Variants in TMX2 observed in about 807,000 individuals in gnomAD.
The protein encoded by TMX2 is thioredoxin related transmembrane protein 2.
Under a neutral mutation model 33.4 loss-of-function variants are expected in TMX2, and 20 were observed. The ratio of observed to expected loss-of-function variants is 0.60; its 90% CI spans 0.42 to 0.87. TMX2 has a LOEUF of 0.87. Ranked by LOEUF, TMX2 falls within the 40% of genes least tolerant of loss-of-function variation. The pLI is 0.00. For missense variants in TMX2, 340 were observed against 370.7 expected (o/e 0.92, Z 0.68); for synonymous variants, 166 against 140.7 (o/e 1.18, Z -1.27).
In TMX2 at chr11:57,725,554, G is replaced by T. The variant is rs529736217; in HGVS notation, c.190-12054G>T. Among the ~76,000 whole-genome samples the T allele has an allele frequency of 2.6e-5, 4 of 152,158 alleles. No individual in the cohort carries two copies. The South Asian group carries it at 8.3e-4, about 32-fold the overall frequency. ...GAGTTTGAGACCAGCCTGGCTAACA[G>T]AATGAAACCCTGTCTCTACTAAAAA... On this transcript the variant is annotated intron_variant, in intron 1 of 7. Transcript: ENST00000278422.
chr11:57,732,342 AT>A lies in TMX2; in HGVS notation c.190-5259del, dbSNP rs370352162. On this transcript the variant is annotated intron_variant, in intron 1 of 7. Coordinates refer to ENST00000278422, the MANE Select transcript of TMX2 (RefSeq NM_015959.4). Reference sequence around the variant, plus strand: ...TACCTTTACCAGAACCCACTCCCTTATTTTTTTCCTCTTTCCTTTTCCTGCT... The same window carrying A: ...TACCTTTACCAGAACCCACTCCCTTATTTTTTCCTCTTTCCTTTTCCTGCT... Among the ~76,000 whole-genome samples, 31 of 151,980 alleles carry A rather than the reference AT, an allele frequency of 2.0e-4. No homozygotes were observed. In the East Asian group the frequency reaches 2.9e-3, roughly 14 times the overall value.
chr11:57,721,346 T>G (rs113113992), intron 1 of TMX2, among the ~76,000 whole-genome samples: 2 of 15,356 alleles, frequency 1.3e-4, no homozygotes, highest in African/African-American at 2.1e-4. Context: ...ATAAATAAAG[T>G]TTTTTTTTTT....
At position 57,737,968 on chromosome 11, in the gene TMX2, A is replaced by C. The variant is rs1948853477; in HGVS notation, c.306A>C (p.Thr102=). ...NIFMFSKVAN[T]ILFFRLDIRM... Reference sequence around the variant, plus strand: ...TCATGTTTAGTAAAGTGGCCAACACAATTCTTTTCTTCCGCTTGGATATTC... The same window carrying C: ...TCATGTTTAGTAAAGTGGCCAACACCATTCTTTTCTTCCGCTTGGATATTC... Residue 102 remains threonine (T), a synonymous_variant, in exon 3 of 8, where the codon ACA becomes ACC. Coordinates refer to ENST00000278422, the MANE Select transcript of TMX2 (RefSeq NM_015959.4). 3 of 1,614,116 alleles carry C rather than the reference A, an allele frequency of 1.9e-6. No individual in the cohort carries two copies. Among genetic ancestry groups the C allele is most frequent in the Non-Finnish European group, 2.5e-6 (3 of 1,180,002 alleles).
intron 1 of TMX2, chr11:57,718,308 T>C: frequency 6.4e-7 from 1 of 1,558,754 alleles, no homozygotes; most frequent in East Asian, 2.3e-5. Flanking sequence ...ATAGATGGAC[T>C]TGCCACCAGT....
chr11:57,725,545 T>A (rs1052436457), intron 1 of TMX2, among the ~76,000 whole-genome samples: 7 of 152,168 alleles, frequency 4.6e-5, no homozygotes, highest in Non-Finnish European at 1.0e-4. Context: ...GAGACCAGCC[T>A]GGCTAACAGA....
chr11:57,715,605 G>A (rs1274419845), intron 1 of TMX2, among the ~76,000 whole-genome samples: 1 of 39,544 alleles, frequency 2.5e-5, no homozygotes, highest in African/African-American at 1.2e-4. Context: ...TTCTTTTATT[G>A]ATCATTCTTG....
intron 1 of TMX2, among the ~76,000 whole-genome samples, chr11:57,716,843 A>AC (rs567846185): frequency 0.074 from 7,085 of 95,694 alleles, 571 homozygotes; most frequent in African/African-American, 0.24. Flanking sequence ...CGGGGGGCTG[A>AC]CCCCCCCCAC....
chr11:57,730,110 C>CA (rs112478360), intron 1 of TMX2, among the ~76,000 whole-genome samples: 1,577 of 140,356 alleles, frequency 0.011, 33 homozygotes, highest in African/African-American at 0.038. Context: ...TTTCCCCCCA[C>CA]AAAAAAAAAT....
chr11:57,715,374 C>A (rs993538968), intron 1 of TMX2, among the ~76,000 whole-genome samples: 10 of 152,014 alleles, frequency 6.6e-5, no homozygotes, highest in African/African-American at 2.4e-4. Context: ...GCACTCCAGC[C>A]TGGGCAACAA....
chr11:57,734,218 C>T (rs1254291174), intron 1 of TMX2, among the ~76,000 whole-genome samples: 1 of 149,682 alleles, frequency 6.7e-6, no homozygotes, highest in African/African-American at 2.5e-5. Context: ...TTCTTAACTG[C>T]CTGAACCCAG....
rs768207236 is a variant in TMX2 at position 57,740,201 on chromosome 11, A to G, written c.847A>G (p.Thr283Ala). Residue 283 changes from threonine to alanine, a missense_variant, in exon 8 of 8, where the codon ACC becomes GCC. Physicochemically the swap from Thr to Ala is moderately conservative, Grantham distance 58. Transcript: ENST00000278422. ...NIPEEQPVAS[T>A]PTTVSDGENK... ...CCCTGAGGAGCAGCCTGTGGCTTCA[A>G]CCCCCACCACAGTGTCAGATGGGGA... 14 of 1,612,944 alleles carry G rather than the reference A, an allele frequency of 8.7e-6. No homozygotes were observed. Among genetic ancestry groups the G allele is most frequent in the South Asian group, 4.4e-5 (4 of 90,902 alleles).
chr11:57,727,085 A>G (rs1157789631), intron 1 of TMX2, among the ~76,000 whole-genome samples: 1 of 152,194 alleles, frequency 6.6e-6, no homozygotes, highest in Non-Finnish European at 1.5e-5. Flanking sequence ...TGTAAATATT[A>G]TGCCAGATAC....
intron 4 of TMX2, 93 bp downstream of exon 4, chr11:57,738,523 A>G: frequency 8.1e-7 from 1 of 1,241,596 alleles, no homozygotes; most frequent in Non-Finnish European, 1.2e-6. Flanking sequence ...ACAGTGCTTC[A>G]AAATGGATGT....
At position 57,732,927 on chromosome 11, in the gene TMX2, T is replaced by C. The variant is rs371227549; in HGVS notation, c.190-4681T>C. Among the ~76,000 whole-genome samples the C allele has an allele frequency of 2.7e-3, 416 of 152,288 alleles. 23 individuals are homozygous for C. In the South Asian group the frequency reaches 0.082, roughly 30 times the overall value. ...CATCATAGAGTGTACTTACACAAAC[T>C]TAGATGGCCTACTACACACCTAGGC... On this transcript the variant is annotated intron_variant, in intron 1 of 7. Coordinates refer to ENST00000278422, the MANE Select transcript of TMX2 (RefSeq NM_015959.4).
chr11:57,731,125 G>GTTTTTTTTTTTTT (rs757832822), intron 1 of TMX2, among the ~76,000 whole-genome samples: 5 of 85,820 alleles, frequency 5.8e-5, no homozygotes, highest in African/African-American at 2.1e-4. Flanking sequence ...TTTGTTTTTT[G>GTTTTTTTTTTTTT]TTTTTTTTTT....
intron 3 of TMX2, 146 bp from the exon 4 acceptor site, chr11:57,738,208 A>T: frequency 1.3e-6 from 1 of 749,982 alleles, no homozygotes; most frequent in Non-Finnish European, 2.3e-6. Context: ...AGAGACTGTT[A>T]TTGTAGAGGT....
At chr11:57,712,854 C>A in intron 1 of TMX2, 47 bp downstream of exon 1, 3 of 1,605,560 alleles carry the variant, frequency 1.9e-6, no homozygotes. Flanking sequence ...CTGTCCCTGC[C>A]CTTGCAGGTG....
intron 1 of TMX2, among the ~76,000 whole-genome samples, chr11:57,725,765 C>T (rs143058406): frequency 7.3e-5 from 11 of 151,708 alleles, no homozygotes; most frequent in African/African-American, 2.7e-4. Context: ...CAAGATTAAA[C>T]CCTCCAAATC....
intron 1 of TMX2, among the ~76,000 whole-genome samples, chr11:57,727,579 T>G (rs918124176): frequency 2.6e-5 from 4 of 152,226 alleles, no homozygotes; most frequent in Non-Finnish European, 5.9e-5. Context: ...TGACTTACTT[T>G]CCTATCTGAC....
Sources: gnomAD v4.1 joint callset for allele counts (sites outside exome capture counted in the v4.1 genomes callset) on GRCh38, gnomAD v4.1.1 for gene constraint, MANE v1.5 for transcripts, NCBI Gene and HGNC (gene_info 2026-07-23, HGNC 2026-07-21) for gene names.